The following SLC30A7 variants were observed in gnomAD, a reference collection of about 807,000 sequenced individuals.
SLC30A7 encodes the protein solute carrier family 30 member 7, also known as zinc transporter 7.
SLC30A7 carries 35 observed loss-of-function variants against 46.0 expected under a neutral mutation model. That is an observed-to-expected ratio of 0.76 (90% confidence interval 0.58 to 1.01). SLC30A7 has a LOEUF of 1.01. Among genes scored for constraint, SLC30A7 ranks in the 50% least tolerant of loss-of-function variants. The pLI is 0.00. For synonymous variants in SLC30A7, 147 were observed against 157.8 expected (o/e 0.93, Z 0.51); for missense variants, 464 against 451.1 (o/e 1.03, Z -0.26).
At chr1:100,905,527 A>G (rs1292998511) in intron 2 of SLC30A7, among the ~76,000 whole-genome samples, 1 of 151,910 alleles carries the variant, frequency 6.6e-6, no homozygotes, top group South Asian at 2.1e-4. Flanking sequence ...GAGACTCTAA[A>G]TACATGTATT....
At chr1:100,951,223 G>A (rs1371235731) in intron 8 of SLC30A7, among the ~76,000 whole-genome samples, 1 of 152,092 alleles carries the variant, frequency 6.6e-6, no homozygotes, top group Non-Finnish European at 1.5e-5. Context: ...AGCAGGGGAG[G>A]GGTATGTCAG....
chr1:100,903,894 A>G (rs1440994216), intron 2 of SLC30A7, among the ~76,000 whole-genome samples: 2 of 152,150 alleles, frequency 1.3e-5, no homozygotes, highest in African/African-American at 4.8e-5. Flanking sequence ...CATCTAGCCA[A>G]ATATTAAGAG....
intron 2 of SLC30A7, among the ~76,000 whole-genome samples, chr1:100,904,234 C>A (rs1557973618): frequency 1.3e-5 from 2 of 152,192 alleles, no homozygotes; most frequent in Non-Finnish European, 2.9e-5. Flanking sequence ...TGATTGCTTT[C>A]AGAACATTTT....
intron 8 of SLC30A7, among the ~76,000 whole-genome samples, chr1:100,944,309 G>A (rs1654507031): frequency 6.6e-6 from 1 of 152,000 alleles, no homozygotes; most frequent in African/African-American, 2.4e-5. Context: ...CAAAGTGCTG[G>A]GATTATAGGT....
chr1:100,908,030 T>C (rs963995207), intron 3 of SLC30A7, among the ~76,000 whole-genome samples: 3 of 152,214 alleles, frequency 2.0e-5, no homozygotes, highest in African/African-American at 7.2e-5. Flanking sequence ...TCTTAACTTC[T>C]TTAGCTCTAT....
intron 8 of SLC30A7, among the ~76,000 whole-genome samples, chr1:100,926,838 A>G (rs1653334827): frequency 6.6e-6 from 1 of 152,236 alleles, no homozygotes; most frequent in Non-Finnish European, 1.5e-5. Flanking sequence ...ATGCAAATAG[A>G]TAATGGACTG....
the SLC30A7 span, chr1:100,990,054 G>A: frequency 5.1e-5 from 13 of 256,140 alleles, no homozygotes; most frequent in South Asian, 2.0e-4. Context: ...AGAAATACCC[G>A]AGACTGGGTA....
intron 6 of SLC30A7, among the ~76,000 whole-genome samples, chr1:100,915,607 ATTTC>A (rs985381074): frequency 4.5e-4 from 69 of 152,154 alleles, no homozygotes; most frequent in African/African-American, 1.6e-3. Flanking sequence ...AATTAGAAGG[ATTTC>A]TTTCTTTCTT....
At chr1:100,955,386 T>G (rs1258195833) in intron 8 of SLC30A7, among the ~76,000 whole-genome samples, 1 of 152,122 alleles carries the variant, frequency 6.6e-6, no homozygotes, top group African/African-American at 2.4e-5. Context: ...TGTTTATGAT[T>G]GTAAGATTAT....
At position 100,961,828 on chromosome 1, in the gene SLC30A7, T is replaced by G; in HGVS notation, c.843T>G (p.Ser281Arg). 6.3e-7 allele frequency: 1 copy of G among 1,576,992 alleles called. No homozygotes were observed. Among genetic ancestry groups the G allele is most frequent in the Non-Finnish European group, 8.7e-7 (1 of 1,151,648 alleles). The change falls in exon 9 of 11, where the codon AGT becomes AGG. Residue 281 changes from serine to arginine, a missense_variant and splice_region_variant. Coordinates refer to ENST00000357650, the MANE Select transcript of SLC30A7 (RefSeq NM_133496.5). Reference protein sequence around the residue: ...SILIAILIVVSVIPLLRESVG... With the variant: ...SILIAILIVVRVIPLLRESVG... ...AAATTGTTGTCTTCCTTTTCCTTAG[T>G]GTTATTCCTCTTTTAAGAGAATCTG...
In SLC30A7 at chr1:100,921,554, A is replaced by G. The variant is rs552401872; in HGVS notation, c.707-152A>G. ...TTTTAATTCATAAATGTACTATTAC[A>G]TGGTTACTAAATGGTGAATATACAT... On this transcript the variant is annotated intron_variant, in intron 7 of 10. Coordinates refer to ENST00000357650, the MANE Select transcript of SLC30A7 (RefSeq NM_133496.5). The G allele has an allele frequency of 8.9e-5, 47 of 526,438 alleles. No individual in the cohort carries two copies. In the South Asian group the frequency reaches 1.1e-3, roughly 13 times the overall value. 32.6% of individuals were successfully genotyped at this position (526,438 alleles called of 1,614,324 possible). A position where few individuals can be genotyped will look rare whatever the true frequency, so the allele number is the denominator to read the frequency against.
rs140187424 is a variant in SLC30A7 at position 100,952,222 on chromosome 1, C to G, written c.843-9606C>G. Among the ~76,000 whole-genome samples the G allele has an allele frequency of 3.1e-3, 467 of 152,314 alleles. 4 individuals are homozygous for G. Among genetic ancestry groups the G allele is most frequent in the African/African-American group, 0.011 (446 of 41,576 alleles). On this transcript the variant is annotated intron_variant, in intron 8 of 10. Coordinates refer to ENST00000357650, the MANE Select transcript of SLC30A7 (RefSeq NM_133496.5). ...AGTCACACACATACATACACACACGCACAAATTCACTATATAGCCAGAGTG... is the reference window on the plus strand; with the variant it reads ...AGTCACACACATACATACACACACGGACAAATTCACTATATAGCCAGAGTG...
intron 6 of SLC30A7, among the ~76,000 whole-genome samples, chr1:100,916,638 G>A (rs547168394): frequency 3.3e-5 from 5 of 151,138 alleles, no homozygotes; most frequent in African/African-American, 1.2e-4. Context: ...TATTTTGAAA[G>A]GTACAATTAA....
rs1277533204 is a variant in SLC30A7, at chr1:100,912,281, T to G, written c.511+43T>G. On this transcript the variant is annotated intron_variant, in intron 5 of 10. Coordinates refer to ENST00000357650, the MANE Select transcript of SLC30A7 (RefSeq NM_133496.5). ...CTTTGTTTCTTCATTTTCTACTAGG[T>G]TTCTGTCATAATTATTTACTTGAGA... 11 of 1,595,876 alleles carry G rather than the reference T, an allele frequency of 6.9e-6. No individual in the cohort carries two copies. The Admixed American group carries it at 1.9e-4, about 28-fold the overall frequency.
At chr1:100,911,634 T>TG (rs1486915433) in intron 4 of SLC30A7, among the ~76,000 whole-genome samples, 2 of 152,198 alleles carry the variant, frequency 1.3e-5, no homozygotes, top group Non-Finnish European at 2.9e-5. Context: ...TACTGCAACT[T>TG]GCGCCTCCTG....
the SLC30A7 span, among the ~76,000 whole-genome samples, chr1:100,994,476 A>C: frequency 5.3e-5 from 8 of 152,080 alleles, no homozygotes; most frequent in Admixed American, 2.6e-4. Context: ...AATAAGGCTC[A>C]GAGATGGAAG....
chr1:100,941,298 G>C, intron 8 of SLC30A7: 1 of 372,884 alleles, frequency 2.7e-6, no homozygotes, highest in South Asian at 2.3e-5. Flanking sequence ...AAGCCACCAT[G>C]ACCACTAAAG....
At chr1:100,990,768 T>G in the SLC30A7 span, 1 of 759,712 alleles carries the variant, frequency 1.3e-6, no homozygotes, top group Non-Finnish European at 2.1e-6. Context: ...TATGGACCAG[T>G]TATCCATTAA....
At chr1:100,900,608 T>C (rs967710627) in intron 2 of SLC30A7, among the ~76,000 whole-genome samples, 2 of 152,192 alleles carry the variant, frequency 1.3e-5, no homozygotes, top group African/African-American at 2.4e-5. Flanking sequence ...TATTCCATTT[T>C]GCTTAGAATT....
Sources: allele counts gnomAD v4.1 joint callset (sites outside exome capture counted in the v4.1 genomes callset), GRCh38; gene constraint gnomAD v4.1.1; transcripts MANE v1.5; gene names NCBI Gene and HGNC (gene_info 2026-07-23, HGNC 2026-07-21).